MYH4: variants seen among roughly 807,000 people sequenced by gnomAD.
MYH4 encodes the protein myosin heavy chain 4, also known as myosin-4.
MYH4 carries 200 observed loss-of-function variants against 229.9 expected under a neutral mutation model. The ratio of observed to expected loss-of-function variants is 0.87; its 90% CI spans 0.78 to 0.98. MYH4 has a LOEUF of 0.98. MYH4 is among the 50% of genes least tolerant of loss of function. The pLI is 0.00. For synonymous variants in MYH4, 761 were observed against 834.6 expected (o/e 0.91, Z 1.52); for missense variants, 2,148 against 2,332.6 (o/e 0.92, Z 1.63).
intron 2 of MYH4, among the ~76,000 whole-genome samples, chr17:10,468,134 C>T (rs2072786622): frequency 6.6e-6 from 1 of 152,136 alleles, no homozygotes; most frequent in African/African-American, 2.4e-5. Context: ...CATTTAATGT[C>T]AGGTTTTTTT....
At chr17:10,461,518 G>A (rs1186324829) in intron 11 of MYH4, among the ~76,000 whole-genome samples, 1 of 151,838 alleles carries the variant, frequency 6.6e-6, no homozygotes, top group Non-Finnish European at 1.5e-5. Context: ...ACCTTCCCCT[G>A]CTAATGGGCA....
rs772271836 is a variant in MYH4 at position 10,453,129 on chromosome 17, A to G, written c.3111+23T>C. 2.2e-5 allele frequency: 35 copies of G among 1,613,702 alleles called. 1 individual carries two copies. Among genetic ancestry groups the G allele is most frequent in the South Asian group, 1.5e-4 (14 of 91,064 alleles). On this transcript the variant is annotated intron_variant, in intron 24 of 39. Transcript: ENST00000255381. Reference sequence around the variant, plus strand: ...AATTGTTTATTTCATTGCAAGGGGAAACATTTTCTTTTTCACACTTACATC... The same window carrying G: ...AATTGTTTATTTCATTGCAAGGGGAGACATTTTCTTTTTCACACTTACATC...
At chr17:10,463,909 C>T (rs1048983814) in intron 7 of MYH4, among the ~76,000 whole-genome samples, 10 of 152,154 alleles carry the variant, frequency 6.6e-5, no homozygotes, top group African/African-American at 2.2e-4. Context: ...ATACATTGCC[C>T]TATTCATCTC....
Position 10,443,409 on chromosome 17 carries a change from C to T in MYH4, c.5786G>A (p.Arg1929Gln), listed in dbSNP as rs778580924. Reference protein sequence around the residue: ...SQVNKLRVKSREVHTKVISEE With the variant: ...SQVNKLRVKSQEVHTKVISEE ...ACTTATGACTTTTGTGTGAACCTCC[C>T]GACTCTTCACTCTCAGCTTGTTGAC... is the stretch of plus-strand genomic sequence containing the variant. The change falls in exon 40 of 40, where the codon CGG (arginine) becomes CAG (glutamine). Residue 1929 changes from arginine (R) to glutamine (Q), a missense_variant. Physicochemically the swap from Arg to Gln is conservative, Grantham distance 43. Transcript: ENST00000255381. The surrounding 1 kb of genome is among the most constrained non-coding windows in gnomAD (Gnocchi z 4.6). 6.8e-6 allele frequency: 11 copies of T among 1,614,052 alleles called. No individual in the cohort carries two copies. The highest frequency in any genetic ancestry group is 9.3e-6 in the Non-Finnish European group (11 of 1,180,002).
At chr17:10,456,885 T>C (rs181197040) in intron 16 of MYH4, among the ~76,000 whole-genome samples, 24 of 152,350 alleles carry the variant, frequency 1.6e-4, no homozygotes, top group African/African-American at 5.0e-4. Context: ...AGTAATGCCT[T>C]GTTAGTGCAG....
chr17:10,457,699 C>G lies in MYH4; in HGVS notation c.1618G>C (p.Glu540Gln), dbSNP rs2072657835. The G allele has an allele frequency of 1.9e-6, 3 of 1,613,982 alleles. No individual in the cohort carries two copies. The highest frequency in any genetic ancestry group is 1.3e-5 in the African/African-American group (1 of 74,992). Residue 540 changes from glutamate (E) to glutamine (Q), a missense_variant, in exon 16 of 40, where the codon GAG becomes CAG. Glu to Gln is a conservative substitution (Grantham distance 29). Transcript: ENST00000255381. ...TCTGTTGCCTTGGGGAACATGCACT[C>G]CTCTTCTAGGATGGAGAAGATGCCC... ...PMGIFSILEE[E>Q]CMFPKATDTS...
intron 28 of MYH4, 53 bp downstream of exon 28, chr17:10,451,273 G>T (rs538881005): frequency 1.3e-6 from 2 of 1,595,012 alleles, no homozygotes; most frequent in African/African-American, 2.7e-5. Flanking sequence ...GTAGGTAAAG[G>T]CTTGTCTTTC....
chr17:10,444,766 G>T, intron 38 of MYH4, 29 bp downstream of exon 38: 1 of 1,612,798 alleles, frequency 6.2e-7, no homozygotes, highest in Non-Finnish European at 8.5e-7. Context: ...GAAAACTATA[G>T]GCCTGGAAGA....
At chr17:10,466,129 C>T in intron 4 of MYH4, 144 bp downstream of exon 4, 2 of 1,051,220 alleles carry the variant, frequency 1.9e-6, no homozygotes, top group Non-Finnish European at 2.7e-6. Flanking sequence ...CATTTTAAAA[C>T]ATATCAGAGT....
Position 10,448,565 on chromosome 17 carries a change from T to C in MYH4, c.4532-45A>G, listed in dbSNP as rs534020128. The C allele has an allele frequency of 1.7e-5, 27 of 1,609,956 alleles. No homozygotes were observed. In the Middle Eastern group the frequency reaches 5.0e-4, roughly 30 times the overall value. On this transcript the variant is annotated intron_variant, in intron 32 of 39. Transcript: ENST00000255381. Reference sequence around the variant, plus strand: ...AATTTCAGTTAAGTAGAAAGAAAAATTGAAAAGATGTCTCCCTACCATTTT... The same window carrying C: ...AATTTCAGTTAAGTAGAAAGAAAAACTGAAAAGATGTCTCCCTACCATTTT...
At chr17:10,465,336 A>G (rs1380579823) in intron 5 of MYH4, 106 bp downstream of exon 5, 12 of 1,345,580 alleles carry the variant, frequency 8.9e-6, no homozygotes, top group Non-Finnish European at 1.1e-5. Flanking sequence ...TTCTGTTATC[A>G]TGTTTGTGCT....
chr17:10,456,398 C>T (rs999720740), intron 17 of MYH4, 87 bp downstream of exon 17: 1 of 1,092,162 alleles, frequency 9.2e-7, no homozygotes, highest in African/African-American at 1.6e-5. Context: ...TTCACTTTCA[C>T]CATAAATATC....
intron 11 of MYH4, 51 bp downstream of exon 11, chr17:10,462,814 T>C (rs779766587): frequency 7.0e-7 from 1 of 1,437,638 alleles, no homozygotes; most frequent in Non-Finnish European, 9.7e-7. Flanking sequence ...AGGAGAGTGT[T>C]GTACACTGGA....
At chr17:10,456,670 G>A in intron 16 of MYH4, 115 bp from the exon 17 acceptor site, 1 of 749,270 alleles carries the variant, frequency 1.3e-6, no homozygotes, top group Non-Finnish European at 2.3e-6. Flanking sequence ...TCATTCACTT[G>A]CATCATTCCT....
chr17:10,447,722 G>C, intron 34 of MYH4, 96 bp downstream of exon 34: 1 of 1,200,828 alleles, frequency 8.3e-7, no homozygotes, highest in African/African-American at 1.5e-5. Flanking sequence ...TGTTGCTTAG[G>C]TGATTTATGA....
intron 15 of MYH4, among the ~76,000 whole-genome samples, chr17:10,458,115 T>C (rs995894170): frequency 6.6e-6 from 1 of 152,212 alleles, no homozygotes; most frequent in Non-Finnish European, 1.5e-5. Flanking sequence ...AGAGATTATG[T>C]GTAAGGACTA....
At position 10,444,546 on chromosome 17, in the gene MYH4, G is replaced by A. The variant is rs2072488969; in HGVS notation, c.5667+58C>T. 3 of 1,325,306 alleles carry A rather than the reference G, an allele frequency of 2.3e-6. No individual in the cohort carries two copies. In the African/African-American group the frequency reaches 4.4e-5, roughly 19 times the overall value. The allele number at this position is 1,325,306 out of a possible 1,614,324, so 82.1% of individuals were successfully genotyped here. On this transcript the variant is annotated intron_variant, in intron 39 of 39. Transcript: ENST00000255381. ...ACCCCCTAAATTCTATAAACTTTAG[G>A]CCCCAAAAAACCTGGATGTGCATCT... is the stretch of plus-strand genomic sequence containing the variant.
At chr17:10,469,022 T>A (rs566915739) in intron 2 of MYH4, among the ~76,000 whole-genome samples, 110 of 152,256 alleles carry the variant, frequency 7.2e-4, no homozygotes, top group African/African-American at 2.5e-3. Flanking sequence ...ATGGGTTAAG[T>A]TGGAGTAGTA....
At chr17:10,445,202 CATGT>C (rs2072498438) in intron 36 of MYH4, 31 bp downstream of exon 36, 1 of 1,614,168 alleles carries the variant, frequency 6.2e-7, no homozygotes, top group Non-Finnish European at 8.5e-7. Flanking sequence ...AGGCAGCATG[CATGT>C]GTCAGTAAGA....
Sources: gnomAD v4.1 joint callset for allele counts (sites outside exome capture counted in the v4.1 genomes callset) on GRCh38, gnomAD v4.1.1 for gene constraint, Gnocchi (gnomAD v3.1) non-coding constraint, MANE v1.5 for transcripts, NCBI Gene and HGNC (gene_info 2026-07-23, HGNC 2026-07-21) for gene names.